The following CRYZL1 variants were observed in gnomAD, a reference collection of about 807,000 sequenced individuals.
The protein encoded by CRYZL1 is ferry endosomal RAB5 effector complex subunit 4.
CRYZL1 carries 34 observed loss-of-function variants against 50.6 expected under a neutral mutation model. That is an observed-to-expected ratio of 0.67 (90% CI 0.51 to 0.89). The LOEUF is 0.89. Among genes scored for constraint, CRYZL1 ranks in the 40% least tolerant of loss-of-function variants. The pLI, the probability that CRYZL1 is intolerant of heterozygous loss-of-function variation, is 0.00. For synonymous variants in CRYZL1, 125 were observed against 134.3 expected (o/e 0.93, Z 0.48); for missense variants, 354 against 402.3 (o/e 0.88, Z 1.03).
chr21:33,592,629 T>C (rs764517226), intron 11 of CRYZL1, among the ~76,000 whole-genome samples: 1 of 152,212 alleles, frequency 6.6e-6, no homozygotes, highest in Non-Finnish European at 1.5e-5. Flanking sequence ...TCTGAATTAT[T>C]TATGGCCCAG....
intron 6 of CRYZL1, among the ~76,000 whole-genome samples, chr21:33,605,465 A>ACTAT (rs1487879038): frequency 6.7e-6 from 1 of 148,776 alleles, no homozygotes; most frequent in African/African-American, 2.5e-5. Flanking sequence ...AACATGTTTC[A>ACTAT]CTATTTAATT....
chr21:33,622,116 T>C, intron 3 of CRYZL1, 48 bp from the exon 4 acceptor site: 5 of 1,417,984 alleles, frequency 3.5e-6, no homozygotes, highest in Non-Finnish European at 5.0e-6. Context: ...GAAGAAATCC[T>C]GGACTCCATT....
intron 1 of CRYZL1, among the ~76,000 whole-genome samples, chr21:33,633,006 T>C (rs1321536479): frequency 2.0e-5 from 3 of 152,194 alleles, no homozygotes; most frequent in African/African-American, 7.2e-5. Context: ...TTAATGTCTG[T>C]TTTCTTTCTT....
chr21:33,606,168 C>T (rs1287914018), intron 6 of CRYZL1, among the ~76,000 whole-genome samples: 1 of 152,170 alleles, frequency 6.6e-6, no homozygotes, highest in African/African-American at 2.4e-5. Context: ...ATTAATTTGT[C>T]TAATGCCACA....
At chr21:33,596,028 T>C in intron 10 of CRYZL1, 192 bp from the exon 11 acceptor site, 1 of 613,256 alleles carries the variant, frequency 1.6e-6, no homozygotes, top group South Asian at 1.9e-5. Flanking sequence ...AGCGAGGTGA[T>C]AAGTACATGG....
At chr21:33,624,908 T>C (rs750407402) in intron 2 of CRYZL1, 148 bp from the exon 3 acceptor site, 427 of 1,127,042 alleles carry the variant, frequency 3.8e-4, no homozygotes, top group Middle Eastern at 6.5e-4. Flanking sequence ...TAAGTAATTA[T>C]AGAAATGTAT....
intron 1 of CRYZL1, chr21:33,640,211 C>T (rs2087262815): frequency 3.9e-6 from 6 of 1,547,068 alleles, no homozygotes; most frequent in Non-Finnish European, 5.2e-6. Flanking sequence ...CATAGTTAAT[C>T]TTAGAAATAT....
chr21:33,614,171 CAA>C (rs1174565593), intron 5 of CRYZL1, among the ~76,000 whole-genome samples: 53 of 98,160 alleles, frequency 5.4e-4, no homozygotes, highest in Admixed American at 5.6e-4. Flanking sequence ...GACTCTGTGT[CAA>C]AAAAAAAAAA....
At position 33,613,672 on chromosome 21, in the gene CRYZL1, A is replaced by G; in HGVS notation, c.263-66T>C. 9.1e-6 allele frequency: 10 copies of G among 1,103,446 alleles called. No homozygotes were observed. In the South Asian group the frequency reaches 1.3e-4, roughly 14 times the overall value. 68.4% of individuals were successfully genotyped at this position (1,103,446 alleles called of 1,614,324 possible). On this transcript the variant is annotated intron_variant, in intron 5 of 12. Transcript: ENST00000381554. Reference sequence around the variant, plus strand: ...AATTCATTCCTAATGAGAGGCCAGTATTATTACAAATTTTGTTCAGTGAAA... The same window carrying G: ...AATTCATTCCTAATGAGAGGCCAGTGTTATTACAAATTTTGTTCAGTGAAA...
At chr21:33,615,744 A>C (rs886302239) in intron 5 of CRYZL1, among the ~76,000 whole-genome samples, 2 of 152,210 alleles carry the variant, frequency 1.3e-5, no homozygotes, top group African/African-American at 4.8e-5. Flanking sequence ...ATTTCAGTTG[A>C]AACGGTGCAT....
At chr21:33,608,774 C>T (rs544190992) in intron 6 of CRYZL1, among the ~76,000 whole-genome samples, 1 of 152,280 alleles carries the variant, frequency 6.6e-6, no homozygotes, top group East Asian at 1.9e-4. Context: ...CATCTGGACA[C>T]TTAGGTTGAG....
intron 11 of CRYZL1, chr21:33,595,202 GA>G (rs1305806267): frequency 1.8e-6 from 2 of 1,125,598 alleles, no homozygotes; most frequent in Admixed American, 8.4e-5. Context: ...ACTTATCTCT[GA>G]ATGACTTTTG....
chr21:33,593,602 T>C (rs1456239897), intron 11 of CRYZL1, among the ~76,000 whole-genome samples: 1 of 152,204 alleles, frequency 6.6e-6, no homozygotes, highest in African/African-American at 2.4e-5. Flanking sequence ...AGGTTAAAAT[T>C]GCCTTCTCAT....
intron 1 of CRYZL1, among the ~76,000 whole-genome samples, chr21:33,634,096 T>C (rs2087172885): frequency 6.6e-6 from 1 of 152,230 alleles, no homozygotes; most frequent in South Asian, 2.1e-4. Flanking sequence ...CATGTATCAA[T>C]GAAGTATATA....
intron 5 of CRYZL1, 134 bp downstream of exon 5, chr21:33,616,572 G>C: frequency 6.5e-7 from 1 of 1,532,068 alleles, no homozygotes; most frequent in Non-Finnish European, 8.8e-7. Context: ...GATTACAGAC[G>C]TGAGCCACAG....
chr21:33,632,814 G>A (rs948886352), intron 1 of CRYZL1, among the ~76,000 whole-genome samples: 1 of 152,146 alleles, frequency 6.6e-6, no homozygotes, highest in South Asian at 2.1e-4. Context: ...TCCTTGAAGC[G>A]CATAACTTGT....
At chr21:33,591,964 A>G (rs2086647264) in intron 11 of CRYZL1, among the ~76,000 whole-genome samples, 1 of 151,830 alleles carries the variant, frequency 6.6e-6, no homozygotes. Flanking sequence ...TCAAAAGAAA[A>G]AAAAAAAGAA....
At chr21:33,636,237 C>CAATA (rs1462745012) in intron 1 of CRYZL1, among the ~76,000 whole-genome samples, 1 of 151,906 alleles carries the variant, frequency 6.6e-6, no homozygotes, top group Non-Finnish European at 1.5e-5. Flanking sequence ...TCTTAAAATA[C>CAATA]AATAAATAAA....
chr21:33,602,695 T>C (rs928083087), intron 7 of CRYZL1, among the ~76,000 whole-genome samples: 1 of 152,152 alleles, frequency 6.6e-6, no homozygotes, highest in African/African-American at 2.4e-5. Context: ...ATATACTATA[T>C]ATGGGAGTCC....
Sources: gnomAD v4.1 joint callset for allele counts (sites outside exome capture counted in the v4.1 genomes callset) on GRCh38, gnomAD v4.1.1 for gene constraint, MANE v1.5 for transcripts, NCBI Gene and HGNC (gene_info 2026-07-23, HGNC 2026-07-21) for gene names.